KTN1: variants seen among roughly 807,000 people sequenced by gnomAD.
The protein encoded by KTN1 is kinectin.
Under a neutral mutation model 222.5 loss-of-function variants are expected in KTN1, and 130 were observed. The observed-to-expected ratio is 0.58, with a 90% CI of 0.51 to 0.68. The LOEUF is 0.68. Ranked by LOEUF, KTN1 falls within the 30% of genes least tolerant of loss-of-function variation. The pLI is 0.00. For synonymous variants in KTN1, 512 were observed against 496.3 expected (o/e 1.03, Z -0.42); for missense variants, 1,508 against 1,500.4 (o/e 1.01, Z -0.08).
Position 55,639,203 on chromosome 14 carries a change from G to A in KTN1, c.1804G>A (p.Ala602Thr), listed in dbSNP as rs756120987. 1.2e-6 allele frequency: 2 copies of A among 1,604,732 alleles called. No homozygotes were observed. The highest frequency in any genetic ancestry group is 1.7e-6 in the Non-Finnish European group (2 of 1,172,246). Reference sequence around the variant, plus strand: ...TTCTTAGACCTCCGCTTCAGTTCTAGCAGAAGAATTACATAAAGTGTAAGC... The same window carrying A: ...TTCTTAGACCTCCGCTTCAGTTCTAACAGAAGAATTACATAAAGTGTAAGC... ...IAAQTSASVLAEELHKVIAEK... is the reference protein window; with the variant it reads ...IAAQTSASVLTEELHKVIAEK... The change falls in exon 13 of 44, where the codon GCA becomes ACA. Residue 602 changes from alanine to threonine, a missense_variant. Physicochemically the swap from Ala to Thr is moderately conservative, Grantham distance 58. Transcript: ENST00000395314.
chr14:55,615,763 T>C (rs183082750), intron 2 of KTN1, among the ~76,000 whole-genome samples: 351 of 152,224 alleles, frequency 2.3e-3, no homozygotes, highest in African/African-American at 6.3e-3. Flanking sequence ...CTGGGAATTA[T>C]GGTGATGGGG....
At chr14:55,637,629 A>G in intron 11 of KTN1, 150 bp from the exon 12 acceptor site, 1 of 619,162 alleles carries the variant, frequency 1.6e-6, no homozygotes, top group Non-Finnish European at 2.8e-6. Flanking sequence ...TTGTCTAATC[A>G]TTGTTTAAAA....
chr14:55,644,410 CAGGTGT>C (rs2042091375), intron 18 of KTN1: 1 of 702,392 alleles, frequency 1.4e-6, no homozygotes, highest in South Asian at 1.5e-5. Context: ...GTTGTTTCTT[CAGGTGT>C]AGGAAGCAGA....
chr14:55,619,392 T>A, intron 5 of KTN1, 80 bp downstream of exon 5: 1 of 1,281,522 alleles, frequency 7.8e-7, no homozygotes. Flanking sequence ...CCAGAGCAAT[T>A]AATATCTACT....
intron 1 of KTN1, among the ~76,000 whole-genome samples, chr14:55,603,688 TA>T (rs1400372875): frequency 6.6e-6 from 1 of 152,246 alleles, no homozygotes; most frequent in Non-Finnish European, 1.5e-5. Context: ...ATTTGCTGAA[TA>T]CTTCCAAATT....
At chr14:55,596,173 A>G (rs921819589) in intron 1 of KTN1, among the ~76,000 whole-genome samples, 1 of 148,856 alleles carries the variant, frequency 6.7e-6, no homozygotes, top group Admixed American at 6.7e-5. Context: ...AAAAAAAAAA[A>G]GTAAAAATAA....
At chr14:55,661,692 T>A (rs1343784728) in intron 32 of KTN1, 80 bp downstream of exon 32, 5 of 709,848 alleles carry the variant, frequency 7.0e-6, no homozygotes, top group Admixed American at 5.4e-5. Flanking sequence ...TTTTTTTAAA[T>A]CTACTTTTAC....
chr14:55,659,645 A>C lies in KTN1; in HGVS notation c.2962-21A>C, dbSNP rs1285311258. On this transcript the variant is annotated intron_variant, in intron 30 of 43. Transcript: ENST00000395314. ...CTCCTGAAAAGTTTTGTTCTGAAAT[A>C]ACATTTAACTCTTTTGATAGGCATC... is the stretch of plus-strand genomic sequence containing the variant. 3.5e-6 allele frequency: 5 copies of C among 1,418,752 alleles called. No individual in the cohort carries two copies. In the East Asian group the frequency reaches 1.1e-4, roughly 32 times the overall value. The allele number at this position is 1,418,752 out of a possible 1,614,324, so 87.9% of individuals were successfully genotyped here.
At chr14:55,622,137 G>A (rs575214858) in intron 5 of KTN1, among the ~76,000 whole-genome samples, 3 of 152,196 alleles carry the variant, frequency 2.0e-5, no homozygotes, top group African/African-American at 7.2e-5. Flanking sequence ...GTGAGCCACC[G>A]TGCCCGGCCA....
In KTN1 at chr14:55,618,182, C is replaced by G. The variant is rs766953655; in HGVS notation, c.832+48C>G. On this transcript the variant is annotated intron_variant, in intron 4 of 43. Coordinates refer to ENST00000395314, the MANE Select transcript of KTN1 (RefSeq NM_001079521.2). ...TTTGTTGTACTATAAAAACACATTTCTGAGTTCTGATGGAGTCATAGATTT... is the reference window on the plus strand; with the variant it reads ...TTTGTTGTACTATAAAAACACATTTGTGAGTTCTGATGGAGTCATAGATTT... 1.2e-5 allele frequency: 17 copies of G among 1,371,482 alleles called. No individual in the cohort carries two copies. The Admixed American group carries it at 3.3e-4, about 27-fold the overall frequency. 85.0% of individuals were successfully genotyped at this position (1,371,482 alleles called of 1,614,324 possible).
At position 55,684,158 on chromosome 14, in the gene KTN1, C is replaced by T; in HGVS notation, c.*55C>T. ...AAAAAAGGCATTGTATTATATTTTG[C>T]CAAATTAAAGCCTTATTTATGTTTT... On this transcript the variant is annotated 3_prime_UTR_variant, in exon 44 of 44. Transcript: ENST00000395314. 5 of 1,435,636 alleles carry T rather than the reference C, an allele frequency of 3.5e-6. No homozygotes were observed. The highest frequency in any genetic ancestry group is 1.2e-5 in the South Asian group (1 of 81,054). The allele number at this position is 1,435,636 out of a possible 1,614,324, so 88.9% of individuals were successfully genotyped here.
At chr14:55,680,545 C>T in intron 43 of KTN1, 1 of 516,250 alleles carries the variant, frequency 1.9e-6, no homozygotes, top group Non-Finnish European at 4.0e-6. Flanking sequence ...TGAGGGGCAA[C>T]TCATCACTGA....
intron 5 of KTN1, among the ~76,000 whole-genome samples, chr14:55,620,024 G>C (rs771036325): frequency 3.9e-5 from 5 of 129,808 alleles, no homozygotes; most frequent in Non-Finnish European, 8.9e-5. Flanking sequence ...AGATACAGTG[G>C]TAGGCATTGG....
chr14:55,641,883 G>T (rs1198785616), intron 18 of KTN1, 123 bp downstream of exon 18: 3 of 669,416 alleles, frequency 4.5e-6, no homozygotes, highest in Non-Finnish European at 8.1e-6. Flanking sequence ...GGCTGTTATT[G>T]CCTTTCTATT....
At chr14:55,653,254 C>G (rs1349926776) in intron 27 of KTN1, among the ~76,000 whole-genome samples, 169 bp downstream of exon 27, 1 of 152,116 alleles carries the variant, frequency 6.6e-6, no homozygotes, top group Non-Finnish European at 1.5e-5. Context: ...TCTGGCAAGT[C>G]ATACTTAACT....
In KTN1 at chr14:55,650,552, GT is replaced by G; in HGVS notation, c.2497-13del. 1 of 1,599,742 alleles carries G rather than the reference GT, an allele frequency of 6.3e-7. No individual in the cohort carries two copies. The highest frequency in any genetic ancestry group is 8.6e-7 in the Non-Finnish European group (1 of 1,167,980). ...GTGTTTCCATTGTCCAATCTTGTCTGTTTTGTCATTGTCAAGGATTTGAAAC... is the reference window on the plus strand; with the variant it reads ...GTGTTTCCATTGTCCAATCTTGTCTGTTTGTCATTGTCAAGGATTTGAAAC... On this transcript the variant is annotated splice_polypyrimidine_tract_variant and intron_variant, in intron 23 of 43. Transcript: ENST00000395314.
At chr14:55,585,863 T>A (rs1214256528) in intron 1 of KTN1, among the ~76,000 whole-genome samples, 1 of 152,210 alleles carries the variant, frequency 6.6e-6, no homozygotes, top group Non-Finnish European at 1.5e-5. Context: ...GGCCGTAGGA[T>A]CATAGCAGCC....
intron 18 of KTN1, among the ~76,000 whole-genome samples, chr14:55,646,289 A>T (rs1265137734): frequency 1.3e-5 from 2 of 152,132 alleles, no homozygotes; most frequent in Non-Finnish European, 2.9e-5. Flanking sequence ...ATATCTATCT[A>T]CCAAAATTCA....
chr14:55,638,153 G>A (rs988843503), intron 12 of KTN1, among the ~76,000 whole-genome samples: 1 of 151,912 alleles, frequency 6.6e-6, no homozygotes, highest in Admixed American at 6.6e-5. Flanking sequence ...TAGAATAGTG[G>A]CTTATGTATT....
Sources: gnomAD v4.1 joint callset for allele counts (sites outside exome capture counted in the v4.1 genomes callset) on GRCh38, gnomAD v4.1.1 for gene constraint, MANE v1.5 for transcripts, NCBI Gene and HGNC (gene_info 2026-07-23, HGNC 2026-07-21) for gene names.